MGAT5: variants seen among roughly 807,000 people sequenced by gnomAD.
MGAT5 encodes the protein alpha-1,6-mannosylglycoprotein 6-beta-N-acetylglucosaminyltransferase.
Under a neutral mutation model 94.3 loss-of-function variants are expected in MGAT5, and 30 were observed. The observed-to-expected ratio is 0.32, with a 90% CI of 0.24 to 0.43. The LOEUF is 0.43. Among genes scored for constraint, MGAT5 ranks in the 20% least tolerant of loss-of-function variants. MGAT5 has a pLI of 1.00. For synonymous variants in MGAT5, 310 were observed against 322.9 expected (o/e 0.96, Z 0.43); for missense variants, 691 against 905.5 (o/e 0.76, Z 3.04).
chr2:134,402,084 C>G (rs1683088631), intron 10 of MGAT5, among the ~76,000 whole-genome samples: 1 of 152,152 alleles, frequency 6.6e-6, no homozygotes. Flanking sequence ...AACCTTGTCC[C>G]ACTTTTATAC....
intron 1 of MGAT5, among the ~76,000 whole-genome samples, chr2:134,191,833 A>T (rs1478042880): frequency 2.9e-5 from 2 of 69,594 alleles, no homozygotes; most frequent in East Asian, 5.1e-4. Flanking sequence ...GGGTGGGTGG[A>T]TTCGCGCCCT....
intron 10 of MGAT5, among the ~76,000 whole-genome samples, chr2:134,376,874 C>T (rs993531567): frequency 6.6e-6 from 1 of 152,200 alleles, no homozygotes; most frequent in African/African-American, 2.4e-5. Context: ...TTCCTACCAG[C>T]ACCATCCAAG....
chr2:134,193,139 T>C lies in MGAT5; in HGVS notation c.-142-61123T>C, dbSNP rs562424385. Among the ~76,000 whole-genome samples, 1,259 of 151,728 alleles carry C rather than the reference T, an allele frequency of 8.3e-3. 10 individuals carry two copies. Among genetic ancestry groups the C allele is most frequent in the Non-Finnish European group, 0.014 (950 of 67,878 alleles). On this transcript the variant is annotated intron_variant, in intron 1 of 16. Coordinates refer to the MGAT5 transcript ENST00000409645. ...TTTTATTTTTTATTTTTTTTTTTTT[T>C]TGAGACAAGGTCTCGCTATGTTACC...
At position 134,362,268 on chromosome 2, in the gene MGAT5, A is replaced by C. The variant is rs756186211; in HGVS notation, c.1247-7A>C. 5.0e-6 allele frequency: 8 copies of C among 1,612,252 alleles called. No homozygotes were observed. In the South Asian group the frequency reaches 8.8e-5, roughly 18 times the overall value. On this transcript the variant is annotated splice_region_variant and splice_polypyrimidine_tract_variant and intron_variant, in intron 9 of 15. Coordinates refer to ENST00000281923, the MANE Select transcript of MGAT5 (RefSeq NM_002410.5). ...CTAACTGTCCTCTCCATTTCTTTGC[A>C]CACCAGCTCATACCCCAGACAACAG... is the stretch of plus-strand genomic sequence containing the variant.
intron 10 of MGAT5, among the ~76,000 whole-genome samples, chr2:134,379,594 T>TG (rs1681408698): frequency 6.6e-6 from 1 of 152,200 alleles, no homozygotes; most frequent in African/African-American, 2.4e-5. Context: ...GAGTGCTGCC[T>TG]CTGATGGGAC....
chr2:134,261,486 G>C (rs577715048), intron 1 of MGAT5, among the ~76,000 whole-genome samples: 6 of 152,098 alleles, frequency 3.9e-5, no homozygotes, highest in Middle Eastern at 3.2e-3. Flanking sequence ...GTCTTTGAGC[G>C]TCTGCATTTG....
chr2:134,418,311 G>A lies in MGAT5; in HGVS notation c.1678-4492G>A, dbSNP rs112613014. ...AGAATAGGCATTGGAGCTGTCACACGGACATTTGGTTCCTCCTGTCCCTTC... is the reference window on the plus strand; with the variant it reads ...AGAATAGGCATTGGAGCTGTCACACAGACATTTGGTTCCTCCTGTCCCTTC... On this transcript the variant is annotated intron_variant, in intron 12 of 15. Transcript: ENST00000281923. 9.6e-3 allele frequency among the ~76,000 whole-genome samples: 1,457 copies of A among 152,244 alleles called. 22 individuals carry two copies. Among genetic ancestry groups the A allele is most frequent in the African/African-American group, 0.033 (1,356 of 41,544 alleles).
At chr2:134,172,868 A>C (rs906211666) in intron 1 of MGAT5, among the ~76,000 whole-genome samples, 4 of 152,230 alleles carry the variant, frequency 2.6e-5, no homozygotes, top group African/African-American at 9.6e-5. Context: ...AACATTAAAC[A>C]TTCCTAATTC....
intron 10 of MGAT5, among the ~76,000 whole-genome samples, chr2:134,388,475 T>C (rs1682172778): frequency 6.6e-6 from 1 of 152,104 alleles, no homozygotes; most frequent in Admixed American, 6.5e-5. Context: ...TGAAAATAAT[T>C]AACAGTAAAT....
In MGAT5 at chr2:134,194,242, A is replaced by C. The variant is rs577638222; in HGVS notation, c.-142-60020A>C. On this transcript the variant is annotated intron_variant, in intron 1 of 16. Coordinates refer to the MGAT5 transcript ENST00000409645. ...ATCCCTAAATAACTATGTTGTGCCA[A>C]CTTGGGGGCACAGAGTAAATTTCTT... 2.0e-5 allele frequency among the ~76,000 whole-genome samples: 3 copies of C among 152,242 alleles called. No homozygotes were observed. The South Asian group carries it at 6.2e-4, about 32-fold the overall frequency.
chr2:134,411,551 ATGTTAG>A (rs1683659846), intron 11 of MGAT5, among the ~76,000 whole-genome samples: 1 of 152,220 alleles, frequency 6.6e-6, no homozygotes. Flanking sequence ...AAAACCTGAG[ATGTTAG>A]TGCTGTGCCC....
chr2:134,165,668 G>T (rs988941642), intron 1 of MGAT5, among the ~76,000 whole-genome samples: 1 of 152,076 alleles, frequency 6.6e-6, no homozygotes, highest in Admixed American at 6.6e-5. Context: ...CCAGCTACTC[G>T]GGAGGCTGAG....
At chr2:134,365,648 G>C (rs186462306) in intron 10 of MGAT5, among the ~76,000 whole-genome samples, 6 of 152,290 alleles carry the variant, frequency 3.9e-5, no homozygotes, top group African/African-American at 1.2e-4. Flanking sequence ...GGGCCTGATA[G>C]AGTGGAAGAC....
At chr2:134,427,352 A>C (rs3791318) in intron 13 of MGAT5, among the ~76,000 whole-genome samples, 39,975 of 151,954 alleles carry the variant, frequency 0.26, 6,832 homozygotes, top group African/African-American at 0.48. Flanking sequence ...TTGGTAATAC[A>C]CCTGAAAACA....
At chr2:134,222,092 G>A (rs1680803471) in intron 1 of MGAT5, among the ~76,000 whole-genome samples, 1 of 151,958 alleles carries the variant, frequency 6.6e-6, no homozygotes, top group Non-Finnish European at 1.5e-5. Flanking sequence ...CTGACCTGAG[G>A]TAGTAGCCAA....
At chr2:134,292,212 A>G (rs16830336) in intron 2 of MGAT5, among the ~76,000 whole-genome samples, 8,860 of 152,268 alleles carry the variant, frequency 0.058, 561 homozygotes, top group East Asian at 0.21. Context: ...GGTCCTCAGA[A>G]CTGAGTGTAC....
chr2:134,298,029 A>C (rs955830950), intron 2 of MGAT5, among the ~76,000 whole-genome samples: 4 of 152,078 alleles, frequency 2.6e-5, no homozygotes, highest in African/African-American at 9.7e-5. Flanking sequence ...TTTCTTTTAG[A>C]GTATGAACGT....
At chr2:134,213,713 T>A (rs1406952339) in intron 1 of MGAT5, among the ~76,000 whole-genome samples, 1 of 152,228 alleles carries the variant, frequency 6.6e-6, no homozygotes, top group African/African-American at 2.4e-5. Flanking sequence ...TTTGCTGGTT[T>A]GTTGGAAAGG....
At chr2:134,413,368 A>G (rs550532457) in intron 12 of MGAT5, among the ~76,000 whole-genome samples, 2 of 152,330 alleles carry the variant, frequency 1.3e-5, no homozygotes, top group Admixed American at 1.3e-4. Flanking sequence ...GCTCCCCATG[A>G]TGGGCTTTGG....
Sources: gnomAD v4.1 joint callset for allele counts (sites outside exome capture counted in the v4.1 genomes callset) on GRCh38, gnomAD v4.1.1 for gene constraint, MANE v1.5 for transcripts, NCBI Gene and HGNC (gene_info 2026-07-23, HGNC 2026-07-21) for gene names.